The following PDE8A variants were observed in gnomAD, a reference collection of about 807,000 sequenced individuals.
PDE8A encodes high affinity cAMP-specific and IBMX-insensitive 3',5'-cyclic phosphodiesterase 8A.
PDE8A carries 59 observed loss-of-function variants against 105.0 expected under a neutral mutation model. That is an observed-to-expected ratio of 0.56 (90% CI 0.46 to 0.70). PDE8A has a LOEUF of 0.70. Among genes scored for constraint, PDE8A ranks in the 30% least tolerant of loss-of-function variants. The pLI, the probability that PDE8A is intolerant of heterozygous loss-of-function variation, is 0.00. For synonymous variants in PDE8A, 355 were observed against 371.9 expected (o/e 0.95, Z 0.52); for missense variants, 1,014 against 1,045.9 (o/e 0.97, Z 0.42).
intron 9 of PDE8A, among the ~76,000 whole-genome samples, chr15:85,099,400 T>C (rs1387981926): frequency 6.6e-6 from 1 of 152,260 alleles, no homozygotes; most frequent in African/African-American, 2.4e-5. Flanking sequence ...TGGATCTGTG[T>C]GGGTTCTCTG....
At chr15:85,056,026 T>G (rs2081054068) in intron 1 of PDE8A, among the ~76,000 whole-genome samples, 1 of 152,318 alleles carries the variant, frequency 6.6e-6, no homozygotes, top group South Asian at 2.1e-4. Context: ...TCTCTCAGCA[T>G]TTGCTTGTCT....
At chr15:85,028,928 A>C (rs2080564993) in intron 1 of PDE8A, among the ~76,000 whole-genome samples, 3 of 152,284 alleles carry the variant, frequency 2.0e-5, no homozygotes. Flanking sequence ...AGACTCAGTA[A>C]ATATTGAGTT....
At chr15:85,109,729 C>G (rs1176950889) in intron 12 of PDE8A, among the ~76,000 whole-genome samples, 1 of 152,128 alleles carries the variant, frequency 6.6e-6, no homozygotes, top group Non-Finnish European at 1.5e-5. Flanking sequence ...TGTACTGGTT[C>G]AAAAGACAAA....
At chr15:85,120,102 G>C (rs1340741253) in intron 17 of PDE8A, 1 of 143,642 alleles carries the variant, frequency 7.0e-6, no homozygotes, top group Non-Finnish European at 1.5e-5. Context: ...AGTTTTAATG[G>C]AATGTTTTAA....
intron 19 of PDE8A, among the ~76,000 whole-genome samples, chr15:85,125,081 A>G (rs959693505): frequency 4.6e-5 from 7 of 152,314 alleles, no homozygotes; most frequent in Middle Eastern, 3.4e-3. Context: ...AAGGGTCAGC[A>G]CAGAGCTGGT....
chr15:85,019,764 G>A (rs1596448537), intron 1 of PDE8A, among the ~76,000 whole-genome samples: 1 of 151,882 alleles, frequency 6.6e-6, no homozygotes, highest in African/African-American at 2.4e-5. Flanking sequence ...ATTTTTAGTA[G>A]AGACGAGGTT....
At chr15:85,038,713 A>T (rs1011653858) in intron 1 of PDE8A, among the ~76,000 whole-genome samples, 2 of 152,252 alleles carry the variant, frequency 1.3e-5, no homozygotes, top group African/African-American at 4.8e-5. Flanking sequence ...AGATATACAG[A>T]TGGCTAACAG....
chr15:85,050,663 G>A (rs942347489), intron 1 of PDE8A, among the ~76,000 whole-genome samples: 11 of 152,012 alleles, frequency 7.2e-5, no homozygotes, highest in Non-Finnish European at 8.8e-5. Context: ...ATTCTAGTTC[G>A]TTGGTCTGTA....
At chr15:85,122,766 T>C (rs2082201404) in intron 18 of PDE8A, among the ~76,000 whole-genome samples, 1 of 152,206 alleles carries the variant, frequency 6.6e-6, no homozygotes, top group Non-Finnish European at 1.5e-5. Flanking sequence ...GACACCTCCA[T>C]GTGGGGTATA....
At chr15:85,051,574 A>G (rs1025469004) in intron 1 of PDE8A, among the ~76,000 whole-genome samples, 3 of 152,146 alleles carry the variant, frequency 2.0e-5, no homozygotes, top group Non-Finnish European at 2.9e-5. Flanking sequence ...CCCATCACCC[A>G]GGTATTAAGC....
intron 13 of PDE8A, 126 bp downstream of exon 13, chr15:85,113,573 G>A: frequency 2.4e-6 from 2 of 838,042 alleles, no homozygotes; most frequent in Middle Eastern, 2.2e-4. Context: ...TGTGGTGCTA[G>A]TAGCCTCCTC....
chr15:85,123,251 A>G, intron 19 of PDE8A, 58 bp downstream of exon 19: 1 of 1,510,342 alleles, frequency 6.6e-7, no homozygotes, highest in South Asian at 1.1e-5. Context: ...CTGTTGTGTT[A>G]TGGAGACACA....
chr15:85,120,286 A>C (rs546617961), intron 17 of PDE8A: 1 of 152,308 alleles, frequency 6.6e-6, no homozygotes, highest in Admixed American at 6.5e-5. Flanking sequence ...ATGTTACATA[A>C]AACTTTTCAG....
chr15:84,996,260 C>T (rs909870051), intron 1 of PDE8A, among the ~76,000 whole-genome samples: 3 of 151,948 alleles, frequency 2.0e-5, no homozygotes, highest in Non-Finnish European at 4.4e-5. Context: ...TCACTGCAGC[C>T]TCAAACTTTT....
intron 3 of PDE8A, 55 bp downstream of exon 3, chr15:85,067,259 C>A: frequency 7.9e-7 from 1 of 1,268,120 alleles, no homozygotes; most frequent in Non-Finnish European, 1.1e-6. Context: ...ACAATACATG[C>A]AGCCTAGAAA....
At chr15:85,056,950 T>G (rs867169910) in intron 1 of PDE8A, among the ~76,000 whole-genome samples, 6 of 152,352 alleles carry the variant, frequency 3.9e-5, no homozygotes, top group African/African-American at 4.8e-5. Flanking sequence ...TTTGTGGTTT[T>G]ATCTACCTTT....
intron 18 of PDE8A, among the ~76,000 whole-genome samples, chr15:85,122,234 C>A (rs1443439279): frequency 6.6e-6 from 1 of 152,172 alleles, no homozygotes; most frequent in Non-Finnish European, 1.5e-5. Flanking sequence ...TGATTAGATT[C>A]TTAAGCTCTG....
chr15:84,994,052 T>C (rs1248007185), intron 1 of PDE8A, among the ~76,000 whole-genome samples: 1 of 152,206 alleles, frequency 6.6e-6, no homozygotes, highest in Non-Finnish European at 1.5e-5. Flanking sequence ...CTGTCCTCCG[T>C]GTCTCTTCAC....
intron 1 of PDE8A, among the ~76,000 whole-genome samples, chr15:85,028,316 A>T (rs998934283): frequency 2.6e-5 from 4 of 152,060 alleles, no homozygotes; most frequent in African/African-American, 9.7e-5. Flanking sequence ...CTGGGCTCAA[A>T]TGATCCTCCC....
Sources: allele counts gnomAD v4.1 joint callset (sites outside exome capture counted in the v4.1 genomes callset), GRCh38; gene constraint gnomAD v4.1.1; transcripts MANE v1.5; gene names NCBI Gene and HGNC (gene_info 2026-07-23, HGNC 2026-07-21).